TNFRSF10A: variants seen among roughly 807,000 people sequenced by gnomAD.
TNFRSF10A encodes tumor necrosis factor receptor superfamily member 10A.
Under a neutral mutation model 42.8 loss-of-function variants are expected in TNFRSF10A, and 44 were observed. That is an observed-to-expected ratio of 1.03 (90% confidence interval 0.81 to 1.32). The LOEUF is 1.32. TNFRSF10A is among the 40% of genes most tolerant of loss of function. TNFRSF10A has a pLI of 0.00. For missense variants in TNFRSF10A, 680 were observed against 602.0 expected, an observed-to-expected ratio of 1.13 and a Z score of -1.36; for synonymous variants, 259 against 234.2, an observed-to-expected ratio of 1.11 and a Z score of -0.97.
At chr8:23,223,123 TGGCGTGGTCTC>T in intron 1 of TNFRSF10A, among the ~76,000 whole-genome samples, 1 of 152,240 alleles carries the variant, frequency 6.6e-6, no homozygotes, top group Non-Finnish European at 1.5e-5. Flanking sequence ...TGGAGTGCAG[TGGCGTGGTCTC>T]GGCTCACTGG....
intron 2 of TNFRSF10A, among the ~76,000 whole-genome samples, chr8:23,208,211 A>T (rs2128849613): frequency 6.6e-6 from 1 of 152,342 alleles, no homozygotes; most frequent in South Asian, 2.1e-4. Context: ...TTTAGCAAAG[A>T]AAGCAAAGAG....
At chr8:23,203,987 C>A (rs572171686) in intron 2 of TNFRSF10A, among the ~76,000 whole-genome samples, 1 of 151,892 alleles carries the variant, frequency 6.6e-6, no homozygotes, top group African/African-American at 2.4e-5. Flanking sequence ...TAGGTTTCAC[C>A]AGGATGGTCT....
At chr8:23,200,412 G>T in intron 6 of TNFRSF10A, 93 bp downstream of exon 6, 1 of 1,403,660 alleles carries the variant, frequency 7.1e-7, no homozygotes, top group Non-Finnish European at 1.0e-6. Flanking sequence ...AGAGACACTA[G>T]GACTTGGGGC....
Position 23,191,915 on chromosome 8 carries a change from C to T in TNFRSF10A, c.1186G>A (p.Val396Met). 1 of 1,614,208 alleles carries T rather than the reference C, an allele frequency of 6.2e-7. No individual in the cohort carries two copies. Residue 396 changes from valine to methionine, a missense_variant, in exon 10 of 10, where the codon GTG becomes ATG. Physicochemically the swap from Val to Met is conservative, Grantham distance 21 (BLOSUM62 1). Transcript: ENST00000221132. ...GGGCCTGCTGTACCAGCTCTGACCA[C>T]ATCGATCTCATTTTTCGTGAGGTCC... Reference protein sequence around the residue: ...QLDLTKNEIDVVRAGTAGPGD... With the variant: ...QLDLTKNEIDMVRAGTAGPGD...
chr8:23,222,749 TG>T (rs1253545511), intron 1 of TNFRSF10A, among the ~76,000 whole-genome samples: 9 of 152,162 alleles, frequency 5.9e-5, no homozygotes, highest in Admixed American at 5.9e-4. Flanking sequence ...GGATCCCTCA[TG>T]AAAGGCTTGG....
chr8:23,198,131 T>C (rs1169521324), intron 8 of TNFRSF10A, among the ~76,000 whole-genome samples: 2 of 152,108 alleles, frequency 1.3e-5, no homozygotes, highest in African/African-American at 2.4e-5. Flanking sequence ...GCATTTAACC[T>C]GTGATTAAGG....
intron 1 of TNFRSF10A, among the ~76,000 whole-genome samples, chr8:23,223,030 C>A (rs866373670): frequency 6.6e-6 from 1 of 152,152 alleles, no homozygotes; most frequent in African/African-American, 2.4e-5. Context: ...GCCAAATAAG[C>A]CTCTTTTAAA....
In TNFRSF10A at chr8:23,213,436, C is replaced by CTT. The variant is rs58691757; in HGVS notation, c.307-1226_307-1225dup. On this transcript the variant is annotated intron_variant, in intron 1 of 9. Transcript: ENST00000221132. ...GCTGGTTTGGGCTTAGTTTGCTCCT[C>CTT]TTTTTTTTTTTTTTTTTTTTTTTTT... Among the ~76,000 whole-genome samples the CTT allele has an allele frequency of 1.7e-4, 12 of 68,658 alleles. 3 individuals are homozygous for CTT. Among genetic ancestry groups the CTT allele is most frequent in the South Asian group, 6.4e-4 (1 of 1,552 alleles). The allele number at this position is 68,658 out of a possible 152,430, so 45.0% of individuals were successfully genotyped here.
At position 23,198,626 on chromosome 8, in the gene TNFRSF10A, A is replaced by G. The variant is rs574222338; in HGVS notation, c.1014+640T>C. On this transcript the variant is annotated intron_variant, in intron 8 of 9. Coordinates refer to ENST00000221132, the MANE Select transcript of TNFRSF10A (RefSeq NM_003844.4). Reference sequence around the variant, plus strand: ...TCCTAAATAGCAAAAAAAAGAAAAAAAAAGAAAAGAAAAAGCCCTTCAATG... The same window carrying G: ...TCCTAAATAGCAAAAAAAAGAAAAAGAAAGAAAAGAAAAAGCCCTTCAATG... 5.3e-5 allele frequency among the ~76,000 whole-genome samples: 8 copies of G among 152,332 alleles called. No individual in the cohort carries two copies. The East Asian group carries it at 1.5e-3, about 29-fold the overall frequency.
chr8:23,212,174 A>C lies in TNFRSF10A; in HGVS notation c.345T>G (p.Asp115Glu). ...CCCATTGCTGTGTGCCAATTGATTGATCATGAAGTTTGATGGTTGCAGCTG... is the reference window on the plus strand; with the variant it reads ...CCCATTGCTGTGTGCCAATTGATTGCTCATGAAGTTTGATGGTTGCAGCTG... ...PSSAATIKLHDQSIGTQQWEH... is the reference protein window; with the variant it reads ...PSSAATIKLHEQSIGTQQWEH... Residue 115 changes from aspartate (D) to glutamate (E), a missense_variant, in exon 2 of 10, where the codon GAT becomes GAG. By Grantham distance (45) the Asp-to-Glu change is conservative. Coordinates refer to ENST00000221132, the MANE Select transcript of TNFRSF10A (RefSeq NM_003844.4). 1 of 1,613,888 alleles carries C rather than the reference A, an allele frequency of 6.2e-7. No individual in the cohort carries two copies. The highest frequency in any genetic ancestry group is 8.5e-7 in the Non-Finnish European group (1 of 1,179,822).
chr8:23,219,783 C>A (rs1468985025), intron 1 of TNFRSF10A, among the ~76,000 whole-genome samples: 1 of 152,238 alleles, frequency 6.6e-6, no homozygotes, highest in African/African-American at 2.4e-5. Flanking sequence ...CAACAGCAGA[C>A]ATGGGGGCGA....
intron 2 of TNFRSF10A, chr8:23,207,340 G>A: frequency 1.7e-6 from 1 of 590,324 alleles, no homozygotes; most frequent in Non-Finnish European, 3.2e-6. Context: ...CCATGTCTTG[G>A]ATGTTGCCAA....
At chr8:23,192,368 C>G (rs1414485833) in intron 9 of TNFRSF10A, among the ~76,000 whole-genome samples, 1 of 152,200 alleles carries the variant, frequency 6.6e-6, no homozygotes, top group Non-Finnish European at 1.5e-5. Flanking sequence ...TCAGAGGATG[C>G]GGGCTGCCTG....
intron 2 of TNFRSF10A, among the ~76,000 whole-genome samples, chr8:23,206,279 G>A (rs900108771): frequency 3.3e-5 from 5 of 152,148 alleles, no homozygotes; most frequent in Non-Finnish European, 5.9e-5. Flanking sequence ...TAGCCTAAAT[G>A]TACAGTGTTT....
intron 1 of TNFRSF10A, among the ~76,000 whole-genome samples, chr8:23,223,224 C>T (rs896432448): frequency 1.3e-5 from 2 of 152,170 alleles, no homozygotes; most frequent in Non-Finnish European, 2.9e-5. Context: ...CACCACCACG[C>T]CTGGCTAATT....
At chr8:23,221,713 G>A (rs1451242611) in intron 1 of TNFRSF10A, among the ~76,000 whole-genome samples, 1 of 152,120 alleles carries the variant, frequency 6.6e-6, no homozygotes, top group African/African-American at 2.4e-5. Flanking sequence ...GGAGTCTCTA[G>A]GTCATCTACT....
intron 1 of TNFRSF10A, among the ~76,000 whole-genome samples, chr8:23,222,350 C>A (rs887429396): frequency 6.6e-6 from 1 of 152,152 alleles, no homozygotes; most frequent in Admixed American, 6.6e-5. Context: ...ATGACACATA[C>A]AAGGGTTCTC....
intron 2 of TNFRSF10A, among the ~76,000 whole-genome samples, chr8:23,209,330 C>G (rs1347221604): frequency 6.6e-6 from 1 of 152,266 alleles, no homozygotes; most frequent in Non-Finnish European, 1.5e-5. Context: ...AGAGCCCCCA[C>G]ACGGAGTCCC....
rs1800740691 is a variant in TNFRSF10A, at chr8:23,190,468, G to C, written c.*1226C>G. 1 of 152,024 alleles carries C rather than the reference G, an allele frequency of 6.6e-6. No homozygotes were observed. Among genetic ancestry groups the C allele is most frequent in the African/African-American group, 2.4e-5 (1 of 41,390 alleles). The allele number at this position is 152,024 out of a possible 1,614,324, so 9.4% of individuals were successfully genotyped here. A position where few individuals can be genotyped will look rare whatever the true frequency, so the allele number is the denominator to read the frequency against. On this transcript the variant is annotated 3_prime_UTR_variant, in exon 10 of 10. Coordinates refer to ENST00000221132, the MANE Select transcript of TNFRSF10A (RefSeq NM_003844.4). Reference sequence around the variant, plus strand: ...TTTTCTTTCTTTTAACCAAATCTTTGCATAGGTACCAAATAACACATTTGT... The same window carrying C: ...TTTTCTTTCTTTTAACCAAATCTTTCCATAGGTACCAAATAACACATTTGT...
Sources: allele counts gnomAD v4.1 joint callset (sites outside exome capture counted in the v4.1 genomes callset), GRCh38; gene constraint gnomAD v4.1.1; transcripts MANE v1.5; gene names NCBI Gene and HGNC (gene_info 2026-07-23, HGNC 2026-07-21).